Variants in OTUD7A observed in about 807,000 individuals in gnomAD.
The protein encoded by OTUD7A is OTU domain-containing protein 7A.
OTUD7A carries 12 observed loss-of-function variants against 65.7 expected under a neutral mutation model. The observed-to-expected ratio is 0.18, with a 90% CI of 0.12 to 0.30. The LOEUF is 0.30. Among genes scored for constraint, OTUD7A ranks in the 10% least tolerant of loss-of-function variants. OTUD7A has a pLI of 1.00. For missense variants in OTUD7A, 1,148 were observed against 1,304.8 expected, an observed-to-expected ratio of 0.88 and a Z score of 1.85; for synonymous variants, 641 against 586.3, an observed-to-expected ratio of 1.09 and a Z score of -1.35.
chr15:31,484,794 A>G lies in OTUD7A; in HGVS notation c.1372-70T>C. 1 of 1,530,368 alleles carries G rather than the reference A, an allele frequency of 6.5e-7. No homozygotes were observed. Among genetic ancestry groups the G allele is most frequent in the Non-Finnish European group, 8.8e-7 (1 of 1,142,212 alleles). 94.8% of individuals were successfully genotyped at this position (1,530,368 alleles called of 1,614,324 possible). A position where few individuals can be genotyped will look rare whatever the true frequency, so the allele number is the denominator to read the frequency against. On this transcript the variant is annotated intron_variant, in intron 12 of 12. Coordinates refer to ENST00000307050, the MANE Select transcript of OTUD7A (RefSeq NM_001382637.1). This position sits in a 1 kb window ranked among gnomAD's most constrained non-coding sequence, Gnocchi z 4.5. ...CTGTCCACGCGCCAGCGAGGAAGACACACCTTGCCCCTGTGTTGCCGAGGC... is the reference window on the plus strand; with the variant it reads ...CTGTCCACGCGCCAGCGAGGAAGACGCACCTTGCCCCTGTGTTGCCGAGGC...
chr15:31,560,885 G>A (rs1053366964), intron 4 of OTUD7A, among the ~76,000 whole-genome samples: 2 of 152,164 alleles, frequency 1.3e-5, no homozygotes, highest in South Asian at 4.1e-4. Flanking sequence ...GCTTTCACCC[G>A]GAACAGCAGC....
chr15:31,754,991 G>C (rs1894768127), intron 1 of OTUD7A, among the ~76,000 whole-genome samples: 1 of 151,962 alleles, frequency 6.6e-6, no homozygotes, highest in Non-Finnish European at 1.5e-5. Flanking sequence ...AAGACGAAGA[G>C]AGTGAGAGAG....
Position 31,478,585 on chromosome 15 carries a change from G to A in OTUD7A, c.*4709C>T, listed in dbSNP as rs2041061991. On this transcript the variant is annotated 3_prime_UTR_variant, in exon 13 of 13. Transcript: ENST00000307050. Reference sequence around the variant, plus strand: ...TGCAACTACGTGTGTCTTCGGCTCAGCCTGGTGGGGCCAAGTTCTTCATAC... The same window carrying A: ...TGCAACTACGTGTGTCTTCGGCTCAACCTGGTGGGGCCAAGTTCTTCATAC... 1 of 152,222 alleles carries A rather than the reference G, an allele frequency of 6.6e-6. No homozygotes were observed. The highest frequency in any genetic ancestry group is 6.5e-5 in the Admixed American group (1 of 15,282). 9.4% of individuals were successfully genotyped at this position (152,222 alleles called of 1,614,324 possible).
In OTUD7A at chr15:31,511,736, C is replaced by CATATATGTATATCTATATGTAACAT. The variant is rs1566893939; in HGVS notation, c.894-7919_894-7918insATGTTACATATAGATATACATATAT. ...TATATATGTATATCTATATGTAACACACATATATATGTATATCTATATGTA... is the reference window on the plus strand; with the variant it reads ...TATATATGTATATCTATATGTAACACATATATGTATATCTATATGTAACATACATATATATGTATATCTATATGTA... On this transcript the variant is annotated intron_variant, in intron 8 of 12. Transcript: ENST00000307050. 7.6e-5 allele frequency among the ~76,000 whole-genome samples: 3 copies of CATATATGTATATCTATATGTAACAT among 39,420 alleles called. 1 individual carries two copies. Among genetic ancestry groups the CATATATGTATATCTATATGTAACAT allele is most frequent in the Non-Finnish European group, 1.5e-4 (3 of 20,616 alleles). 25.9% of individuals were successfully genotyped at this position (39,420 alleles called of 152,430 possible). A position where few individuals can be genotyped will look rare whatever the true frequency, so the allele number is the denominator to read the frequency against.
At chr15:31,869,599 C>T (rs947291453) in intron 1 of OTUD7A, among the ~76,000 whole-genome samples, 1 of 152,202 alleles carries the variant, frequency 6.6e-6, no homozygotes, top group African/African-American at 2.4e-5. Flanking sequence ...TTTCCCTGAT[C>T]GGGGTCTCAC....
intron 8 of OTUD7A, among the ~76,000 whole-genome samples, chr15:31,516,981 A>G (rs555987689): frequency 6.6e-5 from 10 of 152,188 alleles, no homozygotes; most frequent in Non-Finnish European, 1.3e-4. Flanking sequence ...TGTTTTCACC[A>G]GACGCCAAGG....
intron 3 of OTUD7A, among the ~76,000 whole-genome samples, chr15:31,643,995 A>G (rs1381133059): frequency 6.6e-6 from 1 of 152,110 alleles, no homozygotes; most frequent in Non-Finnish European, 1.5e-5. Context: ...CACAGACAGA[A>G]AGGGGTACCT....
chr15:31,771,397 G>A (rs769984162), intron 1 of OTUD7A, among the ~76,000 whole-genome samples: 4 of 152,162 alleles, frequency 2.6e-5, no homozygotes, highest in Non-Finnish European at 4.4e-5. Flanking sequence ...AACGGCCCAT[G>A]AACCATCTCC....
At chr15:31,670,822 T>A (rs1045806159) in intron 1 of OTUD7A, among the ~76,000 whole-genome samples, 2 of 151,958 alleles carry the variant, frequency 1.3e-5, no homozygotes, top group African/African-American at 4.8e-5. Context: ...AAACCCCGTC[T>A]CTACTAAAAA....
chr15:31,864,726 C>G (rs1045375820), intron 1 of OTUD7A, among the ~76,000 whole-genome samples: 1 of 150,368 alleles, frequency 6.7e-6, no homozygotes, highest in Non-Finnish European at 1.5e-5. Context: ...GCCACAGAAG[C>G]CCCTCCATTC....
chr15:31,817,482 T>G (rs998579951), intron 1 of OTUD7A, among the ~76,000 whole-genome samples: 3 of 152,230 alleles, frequency 2.0e-5, no homozygotes, highest in Admixed American at 6.5e-5. Flanking sequence ...ATATAATTTA[T>G]GGACTAGAAT....
chr15:31,761,871 T>C (rs1292751059), intron 1 of OTUD7A, among the ~76,000 whole-genome samples: 1 of 152,162 alleles, frequency 6.6e-6, no homozygotes, highest in Non-Finnish European at 1.5e-5. Context: ...TGGATGAACC[T>C]TGAAAACATT....
chr15:31,835,845 G>A (rs1897043631), intron 1 of OTUD7A, among the ~76,000 whole-genome samples: 1 of 151,922 alleles, frequency 6.6e-6, no homozygotes, highest in South Asian at 2.1e-4. Context: ...CATGGGTTGA[G>A]TATCCCTTAT....
intron 1 of OTUD7A, among the ~76,000 whole-genome samples, chr15:31,758,575 T>C (rs1335274300): frequency 1.3e-5 from 2 of 152,232 alleles, no homozygotes; most frequent in Non-Finnish European, 2.9e-5. Context: ...AGAGCAGACA[T>C]GGTCATTTAT....
intron 1 of OTUD7A, among the ~76,000 whole-genome samples, chr15:31,852,300 A>G (rs1897449669): frequency 6.6e-6 from 1 of 152,244 alleles, no homozygotes; most frequent in African/African-American, 2.4e-5. Flanking sequence ...ATTCCACAGT[A>G]GGCCAGGCTG....
In OTUD7A at chr15:31,847,398, T is replaced by C. The variant is rs892245016; in HGVS notation, c.-100+23109A>G. Among the ~76,000 whole-genome samples the C allele has an allele frequency of 6.6e-5, 10 of 152,246 alleles. No individual in the cohort carries two copies. In the South Asian group the frequency reaches 2.1e-3, roughly 32 times the overall value. The stretch of plus-strand genomic sequence containing the variant: ...GCCGCTCTCCTCCACTAAGGACTAG[T>C]GATGTTCCTTCTCGTTCCTTTACTA... On this transcript the variant is annotated intron_variant, in intron 1 of 12. Transcript: ENST00000307050.
At chr15:31,647,554 A>AT (rs766958285) in intron 3 of OTUD7A, among the ~76,000 whole-genome samples, 9 of 152,012 alleles carry the variant, frequency 5.9e-5, no homozygotes, top group Non-Finnish European at 1.0e-4. Flanking sequence ...CTCAGATCCT[A>AT]TTTTTTTTAA....
At chr15:31,778,845 A>G (rs1409273190) in intron 1 of OTUD7A, among the ~76,000 whole-genome samples, 1 of 152,120 alleles carries the variant, frequency 6.6e-6, no homozygotes, top group East Asian at 1.9e-4. Flanking sequence ...ATCATCAAGT[A>G]TAATGTCTTC....
intron 1 of OTUD7A, among the ~76,000 whole-genome samples, chr15:31,723,227 G>C (rs1566989101): frequency 6.6e-6 from 1 of 152,200 alleles, no homozygotes; most frequent in Non-Finnish European, 1.5e-5. Context: ...GAGGCCCGGA[G>C]GCCTGCCAGC....
Sources: allele counts gnomAD v4.1 joint callset (sites outside exome capture counted in the v4.1 genomes callset), GRCh38; gene constraint gnomAD v4.1.1; non-coding constraint Gnocchi (gnomAD v3.1); transcripts MANE v1.5; gene names NCBI Gene and HGNC (gene_info 2026-07-23, HGNC 2026-07-21).